The following ARHGEF3 variants were observed in gnomAD, a reference collection of about 807,000 sequenced individuals.
The protein encoded by ARHGEF3 is 59.8 kDA protein.
ARHGEF3 carries 28 observed loss-of-function variants against 63.2 expected under a neutral mutation model. That is an observed-to-expected ratio of 0.44 (90% CI 0.33 to 0.61). The LOEUF (loss-of-function observed/expected upper bound fraction) is 0.61. ARHGEF3 is among the 20% of genes least tolerant of loss of function. The pLI is 0.03. For synonymous variants in ARHGEF3, 266 were observed against 254.2 expected (o/e 1.05, Z -0.44); for missense variants, 533 against 659.3 (o/e 0.81, Z 2.10).
Position 57,042,687 on chromosome 3 carries a change from TATA to T in ARHGEF3, c.-27-7514_-27-7512del, listed in dbSNP as rs1704261114. Among the ~76,000 whole-genome samples, 9 of 24,810 alleles carry T rather than the reference TATA, an allele frequency of 3.6e-4. 1 individual carries two copies. The highest frequency in any genetic ancestry group is 2.9e-3 in the South Asian group (2 of 682). The allele number at this position is 24,810 out of a possible 152,430, so 16.3% of individuals were successfully genotyped here. On this transcript the variant is annotated intron_variant, in intron 1 of 12. Transcript: ENST00000338458. ...ATATATATATATATATATATATATA[TATA>T]TATATATATATTTTTTTTTTTTTTT...
chr3:56,881,093 A>AT (rs2040749910), intron 4 of ARHGEF3, among the ~76,000 whole-genome samples: 1 of 152,236 alleles, frequency 6.6e-6, no homozygotes, highest in Admixed American at 6.5e-5. Context: ...AACAATCCAT[A>AT]TCTAATGAGT....
chr3:56,858,858 A>G (rs1486077919), intron 4 of ARHGEF3, among the ~76,000 whole-genome samples: 1 of 152,182 alleles, frequency 6.6e-6, no homozygotes, highest in East Asian at 1.9e-4. Flanking sequence ...TGGGCCCTAT[A>G]GGCCAAGGAA....
At chr3:56,876,269 A>G (rs1376405431) in intron 4 of ARHGEF3, among the ~76,000 whole-genome samples, 1 of 152,172 alleles carries the variant, frequency 6.6e-6, no homozygotes, top group Non-Finnish European at 1.5e-5. Context: ...GGGAACCTAG[A>G]GGCAGGCATG....
intron 2 of ARHGEF3, among the ~76,000 whole-genome samples, chr3:57,002,498 TTATA>T (rs1553802543): frequency 9.6e-4 from 13 of 13,480 alleles, no homozygotes; most frequent in East Asian, 3.5e-3. Context: ...TATATATATG[TTATA>T]TATATATATA....
At chr3:57,005,066 G>A (rs1219329971) in intron 2 of ARHGEF3, among the ~76,000 whole-genome samples, 2 of 152,014 alleles carry the variant, frequency 1.3e-5, no homozygotes, top group African/African-American at 4.8e-5. Context: ...CTTAGAATCT[G>A]CAAGGGATCT....
intron 3 of ARHGEF3, among the ~76,000 whole-genome samples, chr3:56,894,348 G>A (rs922205463): frequency 2.6e-5 from 4 of 152,136 alleles, no homozygotes; most frequent in African/African-American, 7.2e-5. Context: ...AAATATTGTT[G>A]AATGAATGAA....
In ARHGEF3 at chr3:57,042,223, A is replaced by T. The variant is rs143347831; in HGVS notation, c.-27-7047T>A. On this transcript the variant is annotated intron_variant, in intron 1 of 12. Coordinates refer to the ARHGEF3 transcript ENST00000338458. ...AGACATACCCTATGAAAAACAACCA[A>T]ACTGTCCATCGATAAGGCACTGGAG... is the stretch of plus-strand genomic sequence containing the variant. Among the ~76,000 whole-genome samples, 540 of 152,172 alleles carry T rather than the reference A, an allele frequency of 3.5e-3. 3 individuals carry two copies. Among genetic ancestry groups the T allele is most frequent in the South Asian group, 8.7e-3 (42 of 4,820 alleles).
intron 1 of ARHGEF3, among the ~76,000 whole-genome samples, chr3:56,777,869 A>G (rs1251789017): frequency 1.3e-5 from 2 of 152,158 alleles, no homozygotes; most frequent in Non-Finnish European, 2.9e-5. Context: ...GCTGCTTTAC[A>G]TCTGGCCAGG....
intron 4 of ARHGEF3, among the ~76,000 whole-genome samples, chr3:56,832,835 C>T (rs2038976357): frequency 6.6e-6 from 1 of 152,192 alleles, no homozygotes; most frequent in Non-Finnish European, 1.5e-5. Context: ...TTTGCATTTG[C>T]ATATGAAATG....
chr3:57,026,123 G>A (rs1703463222), intron 2 of ARHGEF3, among the ~76,000 whole-genome samples: 1 of 152,158 alleles, frequency 6.6e-6, no homozygotes, highest in South Asian at 2.1e-4. Flanking sequence ...ATGGAGGCAG[G>A]ACGCAGTGGT....
chr3:56,806,584 G>A (rs2037868866), upstream of ARHGEF3, among the ~76,000 whole-genome samples: 1 of 152,260 alleles, frequency 6.6e-6, no homozygotes, highest in African/African-American at 2.4e-5. Context: ...TGCAGGAACT[G>A]TGCCAAGCAC....
At chr3:56,820,536 G>A (rs528536203) in intron 4 of ARHGEF3, among the ~76,000 whole-genome samples, 2 of 152,224 alleles carry the variant, frequency 1.3e-5, no homozygotes, top group East Asian at 3.9e-4. Context: ...AGGCACAGTG[G>A]TATATGCCTG....
rs182952140 is a variant in ARHGEF3, at chr3:57,007,285, C to G, written c.62+27803G>C. On this transcript the variant is annotated intron_variant, in intron 2 of 12. Transcript: ENST00000338458. Reference sequence around the variant, plus strand: ...CAGACTTTCTCAATAGCCTGAAAAACCAGTTGTTCCTGCCATTGATTGCGC... The same window carrying G: ...CAGACTTTCTCAATAGCCTGAAAAAGCAGTTGTTCCTGCCATTGATTGCGC... 7.4e-3 allele frequency: 9,584 copies of G among 1,289,776 alleles called. 48 individuals carry two copies. The highest frequency in any genetic ancestry group is 8.9e-3 in the Non-Finnish European group (8,785 of 988,858). The allele number at this position is 1,289,776 out of a possible 1,614,324, so 79.9% of individuals were successfully genotyped here. A position where few individuals can be genotyped will look rare whatever the true frequency, so the allele number is the denominator to read the frequency against.
intron 2 of ARHGEF3, among the ~76,000 whole-genome samples, chr3:56,959,408 T>C (rs1490169990): frequency 1.3e-5 from 2 of 152,142 alleles, no homozygotes; most frequent in Non-Finnish European, 2.9e-5. Context: ...CCTCTCAACA[T>C]GAATCAATTT....
chr3:57,000,310 C>CACACACACACA lies in ARHGEF3; in HGVS notation c.62+34777_62+34778insTGTGTGTGTGT, dbSNP rs1560120499. 6.6e-3 allele frequency among the ~76,000 whole-genome samples: 921 copies of CACACACACACA among 139,252 alleles called. 8 individuals are homozygous for CACACACACACA. Among genetic ancestry groups the CACACACACACA allele is most frequent in the African/African-American group, 0.023 (851 of 36,382 alleles). 91.4% of individuals were successfully genotyped at this position (139,252 alleles called of 152,430 possible). The stretch of plus-strand genomic sequence containing the variant: ...AAGTCCTTTTTTTAGAGGGTAACTC[C>CACACACACACA]CACACACACACACACACACACACAC... On this transcript the variant is annotated intron_variant, in intron 2 of 12. Coordinates refer to the ARHGEF3 transcript ENST00000338458.
chr3:56,960,044 T>C (rs1021132049), intron 2 of ARHGEF3, among the ~76,000 whole-genome samples: 11 of 152,194 alleles, frequency 7.2e-5, no homozygotes, highest in Non-Finnish European at 1.6e-4. Flanking sequence ...TCTGCTGTAA[T>C]CAGCAATAAT....
chr3:56,906,388 G>C (rs1025166207), intron 3 of ARHGEF3, among the ~76,000 whole-genome samples: 4 of 152,172 alleles, frequency 2.6e-5, no homozygotes, highest in Non-Finnish European at 5.9e-5. Context: ...GATGGCTACC[G>C]TAAGCCACAT....
intron 4 of ARHGEF3, among the ~76,000 whole-genome samples, chr3:56,832,520 C>T (rs925006634): frequency 6.5e-5 from 8 of 122,436 alleles, no homozygotes; most frequent in Admixed American, 5.9e-4. Flanking sequence ...CTTTGGCCAC[C>T]CCCAGTGACA....
rs754844232 is a variant in ARHGEF3 at position 57,064,195 on chromosome 3, G to C, written c.-28+15031C>G. Among the ~76,000 whole-genome samples the C allele has an allele frequency of 3.9e-5, 6 of 152,300 alleles. No homozygotes were observed. The South Asian group carries it at 6.2e-4, about 16-fold the overall frequency. On this transcript the variant is annotated intron_variant, in intron 1 of 12. Transcript: ENST00000338458. ...GAGGTCAGAGGATTGCTTGAGCCTG[G>C]GGGGTAGAGGTTGCAGTGAGCTGAG...
Sources: gnomAD v4.1 joint callset for allele counts (sites outside exome capture counted in the v4.1 genomes callset) on GRCh38, gnomAD v4.1.1 for gene constraint, MANE v1.5 for transcripts, NCBI Gene and HGNC (gene_info 2026-07-23, HGNC 2026-07-21) for gene names.